The following CLEC4M variants were observed in gnomAD, a reference collection of about 807,000 sequenced individuals.
CLEC4M encodes the protein CD209 antigen-like protein 1.
CLEC4M carries 25 observed loss-of-function variants against 39.1 expected under a neutral mutation model. The ratio of observed to expected loss-of-function variants is 0.64; its 90% CI spans 0.47 to 0.89. The LOEUF is 0.89. CLEC4M is among the 40% of genes least tolerant of loss of function. The pLI, the probability that CLEC4M is intolerant of heterozygous loss-of-function variation, is 0.00. For missense variants in CLEC4M, 353 were observed against 431.4 expected (o/e 0.82, Z 1.61); for synonymous variants, 155 against 177.4 (o/e 0.87, Z 1.00).
intron 5 of CLEC4M, 72 bp downstream of exon 5, chr19:7,766,879 G>A: frequency 5.0e-6 from 8 of 1,607,626 alleles, no homozygotes; most frequent in Non-Finnish European, 6.8e-6. Context: ...GGTGCTCAGA[G>A]AGGATTTTGC....
chr19:7,764,042 T>C (rs1399312523), intron 2 of CLEC4M, among the ~76,000 whole-genome samples: 1 of 151,994 alleles, frequency 6.6e-6, no homozygotes, highest in Non-Finnish European at 1.5e-5. Flanking sequence ...GGCTGGGACC[T>C]GGATGCCTGA....
At chr19:7,768,746 G>A in intron 6 of CLEC4M, 92 bp from the exon 7 acceptor site, 4 of 1,444,242 alleles carry the variant, frequency 2.8e-6, no homozygotes, top group Admixed American at 1.9e-5. Flanking sequence ...ACACATGTAG[G>A]GCAGATGTTA....
chr19:7,766,784 G>A lies in CLEC4M; in HGVS notation c.913G>A (p.Val305Ile), dbSNP rs150860249. Reference sequence around the variant, plus strand: ...CCAGGAAGTGAGGGCCCAGCTCGTCGTAATCAAAACTGCTGAGGAGCAGGT... The same window carrying A: ...CCAGGAAGTGAGGGCCCAGCTCGTCATAATCAAAACTGCTGAGGAGCAGGT... Reference protein sequence around the residue: ...ACQEVRAQLVVIKTAEEQNFL... With the variant: ...ACQEVRAQLVIIKTAEEQNFL... The change falls in exon 5 of 7, where the codon GTA becomes ATA. Residue 305 changes from valine (V) to isoleucine (I), a missense_variant. By Grantham distance (29) the Val-to-Ile change is conservative (BLOSUM62 3). This residue lies in a region of CLEC4M where 196 missense variants were observed against 211.7 expected (regional missense o/e 0.93). Coordinates refer to ENST00000327325, the MANE Select transcript of CLEC4M (RefSeq NM_014257.5). 19 of 1,614,054 alleles carry A rather than the reference G, an allele frequency of 1.2e-5. No homozygotes were observed. Among genetic ancestry groups the A allele is most frequent in the East Asian group, 4.5e-5 (2 of 44,898 alleles).
chr19:7,765,246 C>T lies in CLEC4M; in HGVS notation c.192C>T (p.Val64=). 1.2e-6 allele frequency: 2 copies of T among 1,614,172 alleles called. No individual in the cohort carries two copies. Among genetic ancestry groups the T allele is most frequent in the South Asian group, 2.2e-5 (2 of 91,086 alleles). ...TCTCCTTCATGCTCTTGGCTGGGGT[C>T]CTGGTGGCCATCCTTGTCCAAGGTC... ...QLLSFMLLAG[V]LVAILVQVSK... The change falls in exon 3 of 7, where the codon GTC becomes GTT. Residue 64 remains valine, a synonymous_variant. Coordinates refer to ENST00000327325, the MANE Select transcript of CLEC4M (RefSeq NM_014257.5).
Position 7,766,336 on chromosome 19 carries a change from G to A in CLEC4M, c.784+129G>A, listed in dbSNP as rs138139026. ...TGAAATGAGAACACGGGGTAACTGC[G>A]ATCATTGCACTTGGTGTTCACAGTG... On this transcript the variant is annotated intron_variant, in intron 4 of 6. Coordinates refer to ENST00000327325, the MANE Select transcript of CLEC4M (RefSeq NM_014257.5). 5.2e-4 allele frequency: 786 copies of A among 1,502,550 alleles called. 12 individuals carry two copies. In the Middle Eastern group the frequency reaches 6.4e-3, roughly 12 times the overall value. 93.1% of individuals were successfully genotyped at this position (1,502,550 alleles called of 1,614,324 possible).
chr19:7,765,596 G>A lies in CLEC4M; in HGVS notation c.215-42G>A, dbSNP rs773048909. On this transcript the variant is annotated intron_variant, in intron 3 of 6. Coordinates refer to ENST00000327325, the MANE Select transcript of CLEC4M (RefSeq NM_014257.5). ...GGCTCAGTTCAGGGCTTGGCACACA[G>A]TAGGTGTTTAATAATTGCAGTTCCT... The A allele has an allele frequency of 1.2e-5, 20 of 1,612,666 alleles. No homozygotes were observed. The Admixed American group carries it at 3.2e-4, about 26-fold the overall frequency.
chr19:7,766,444 G>A, intron 4 of CLEC4M: 2 of 1,450,524 alleles, frequency 1.4e-6, no homozygotes, highest in African/African-American at 1.4e-5. Flanking sequence ...CTCCCAGTCT[G>A]GAAGAGATGG....
chr19:7,769,097 G>A lies in CLEC4M; in HGVS notation c.*109G>A, dbSNP rs906578270. The A allele has an allele frequency of 6.1e-6, 7 of 1,143,050 alleles. No individual in the cohort carries two copies. The highest frequency in any genetic ancestry group is 7.4e-6 in the Non-Finnish European group (6 of 805,920). 70.8% of individuals were successfully genotyped at this position (1,143,050 alleles called of 1,614,324 possible). A position where few individuals can be genotyped will look rare whatever the true frequency, so the allele number is the denominator to read the frequency against. ...TGGACCTTCACAAATGCCCTGAGAC[G>A]GTTCTCTGTTCGATTTTTCATCCCC... On this transcript the variant is annotated 3_prime_UTR_variant, in exon 7 of 7. Coordinates refer to ENST00000327325, the MANE Select transcript of CLEC4M (RefSeq NM_014257.5).
At chr19:7,767,211 A>T (rs1232623902) in intron 5 of CLEC4M, 21 of 434,686 alleles carry the variant, frequency 4.8e-5, no homozygotes, top group African/African-American at 7.9e-5. Flanking sequence ...AGTGGGTCCA[A>T]TGTGGCTCCA....
At position 7,765,286 on chromosome 19, in the gene CLEC4M, AGGGTCTGG is replaced by A. The variant is rs2034203999; in HGVS notation, c.214+21_214+28del. On this transcript the variant is annotated intron_variant, in intron 3 of 6. Coordinates refer to ENST00000327325, the MANE Select transcript of CLEC4M (RefSeq NM_014257.5). ...TGTCCAAGGTCAGGGGCAGGTTCTG[AGGGTCTGG>A]GGTCCCCAGGCCTGGCCTTTTGGCT... 2 of 1,613,600 alleles carry A rather than the reference AGGGTCTGG, an allele frequency of 1.2e-6. No individual in the cohort carries two copies. The highest frequency in any genetic ancestry group is 1.7e-6 in the Non-Finnish European group (2 of 1,179,724).
rs1471210789 is a variant in CLEC4M, at chr19:7,768,824, C to T, written c.1050-14C>T. ...GGGCAGGGCAGAGGCTCACATTCTG[C>T]ATGGGCTTTGCAGCTTCCAGCGGTA... On this transcript the variant is annotated splice_polypyrimidine_tract_variant and intron_variant, in intron 6 of 6. Transcript: ENST00000327325. The T allele has an allele frequency of 7.4e-6, 12 of 1,612,598 alleles. No homozygotes were observed. The South Asian group carries it at 1.3e-4, about 18-fold the overall frequency.
chr19:7,766,900 C>CTTTG, intron 5 of CLEC4M, 93 bp downstream of exon 5: 1 of 1,589,884 alleles, frequency 6.3e-7, no homozygotes, highest in East Asian at 2.2e-5. Flanking sequence ...AGAAGAGGGG[C>CTTTG]TTTGCTCTAT....
At position 7,763,430 on chromosome 19, in the gene CLEC4M, A is replaced by T; in HGVS notation, c.84A>T (p.Pro28=). The change falls in exon 2 of 7, where the codon CCA becomes CCT. Residue 28 remains proline, a synonymous_variant. Coordinates refer to ENST00000327325, the MANE Select transcript of CLEC4M (RefSeq NM_014257.5). ...CAACCAGTGGCATCAGACTTTTTCC[A>T]AGAGACTTTCAATTCCAGCAGATAC... ...DPTTSGIRLF[P]RDFQFQQIHG... 1.2e-6 allele frequency: 2 copies of T among 1,614,110 alleles called. No homozygotes were observed. The highest frequency in any genetic ancestry group is 2.2e-5 in the South Asian group (2 of 91,076).
Position 7,768,906 on chromosome 19 carries a change from G to A in CLEC4M, c.1118G>A (p.Gly373Asp), listed in dbSNP as rs1407550299. The A allele has an allele frequency of 1.2e-6, 2 of 1,614,172 alleles. No individual in the cohort carries two copies. The highest frequency in any genetic ancestry group is 2.2e-5 in the South Asian group (2 of 91,084). ...AATGAAGACTGTGCGGAATTTAGTG[G>A]CAGTGGCTGGAACGACAATCGATGT... ...SGNEDCAEFS[G>D]SGWNDNRCDV... is the part of the protein sequence containing the mutation. The change falls in exon 7 of 7, where the codon GGC becomes GAC. Residue 373 changes from glycine to aspartate, a missense_variant. Gly to Asp is a moderately conservative substitution (Grantham distance 94). Transcript: ENST00000327325.
At position 7,769,592 on chromosome 19, in the gene CLEC4M, ATGT is replaced by A. The variant is rs1472217933; in HGVS notation, c.*608_*610del. On this transcript the variant is annotated 3_prime_UTR_variant, in exon 7 of 7. Coordinates refer to ENST00000327325, the MANE Select transcript of CLEC4M (RefSeq NM_014257.5). ...TGTAGCCTTTATAATAAAGTGGTAA[ATGT>A]TGTAACTGCAGATCCAGCCTCATCT... 6.6e-6 allele frequency: 1 copy of A among 152,330 alleles called. No individual in the cohort carries two copies. The highest frequency in any genetic ancestry group is 2.4e-5 in the African/African-American group (1 of 41,432). 9.4% of individuals were successfully genotyped at this position (152,330 alleles called of 1,614,324 possible).
At chr19:7,766,465 C>T (rs1426659708) in intron 4 of CLEC4M, 191 bp from the exon 5 acceptor site, 1 of 1,454,366 alleles carries the variant, frequency 6.9e-7, no homozygotes, top group Non-Finnish European at 9.0e-7. Context: ...AGCCAGGACT[C>T]CTGGGTTCTC....
intron 6 of CLEC4M, 104 bp downstream of exon 6, chr19:7,767,732 G>A (rs530024961): frequency 2.2e-6 from 2 of 924,040 alleles, no homozygotes; most frequent in South Asian, 1.5e-5. Flanking sequence ...TGACCCCATA[G>A]GACTAAGAGT....
At chr19:7,768,715 A>C in intron 6 of CLEC4M, 123 bp from the exon 7 acceptor site, 1 of 1,130,080 alleles carries the variant, frequency 8.8e-7, no homozygotes, top group Non-Finnish European at 1.3e-6. Context: ...TGAGGTGTGG[A>C]GAGCAATGCA....
rs936587730 is a variant in CLEC4M at position 7,765,098 on chromosome 19, C to T, written c.131-87C>T. On this transcript the variant is annotated intron_variant, in intron 2 of 6. Coordinates refer to ENST00000327325, the MANE Select transcript of CLEC4M (RefSeq NM_014257.5). ...GGGCTGGGGCTGGGGTTCCTGGGTC[C>T]TGGGGTGCTGAGGGATTAGGCCAGG... 10 of 1,447,844 alleles carry T rather than the reference C, an allele frequency of 6.9e-6. No homozygotes were observed. The Admixed American group carries it at 8.4e-5, about 12-fold the overall frequency. 89.7% of individuals were successfully genotyped at this position (1,447,844 alleles called of 1,614,324 possible).
Sources: allele counts gnomAD v4.1 joint callset (sites outside exome capture counted in the v4.1 genomes callset), GRCh38; gene constraint gnomAD v4.1.1; regional missense constraint gnomAD v4.1.1; transcripts MANE v1.5; gene names NCBI Gene and HGNC (gene_info 2026-07-23, HGNC 2026-07-21).